EHBP1: variants seen among roughly 807,000 people sequenced by gnomAD.
The protein encoded by EHBP1 is EH domain-binding protein 1.
EHBP1 carries 55 observed loss-of-function variants against 144.0 expected under a neutral mutation model. The observed-to-expected ratio is 0.38, with a 90% CI of 0.31 to 0.48. EHBP1 has a LOEUF of 0.48. EHBP1 is among the 20% of genes least tolerant of loss of function. The probability of loss-of-function intolerance (pLI) is 0.98; values close to 1 mark genes in which losing one functional copy is unlikely to be tolerated. For missense variants in EHBP1, 1,200 were observed against 1,364.2 expected, an observed-to-expected ratio of 0.88 and a Z score of 1.90; for synonymous variants, 469 against 472.7, an observed-to-expected ratio of 0.99 and a Z score of 0.10.
intron 10 of EHBP1, among the ~76,000 whole-genome samples, chr2:62,933,809 G>C (rs1440200543): frequency 2.0e-5 from 3 of 152,054 alleles, no homozygotes; most frequent in Non-Finnish European, 4.4e-5. Flanking sequence ...AAACAATATG[G>C]TTTACTTTTG....
chr2:62,937,933 G>A (rs1203362562), intron 10 of EHBP1, among the ~76,000 whole-genome samples: 1 of 152,168 alleles, frequency 6.6e-6, no homozygotes, highest in Non-Finnish European at 1.5e-5. Context: ...GGTTACCGAG[G>A]GGGGATTTGG....
intron 10 of EHBP1, among the ~76,000 whole-genome samples, chr2:62,920,628 ATT>A (rs1283904478): frequency 6.6e-6 from 1 of 152,072 alleles, no homozygotes; most frequent in Non-Finnish European, 1.5e-5. Flanking sequence ...GAATGCATTA[ATT>A]TAAGAGATTC....
intron 7 of EHBP1, among the ~76,000 whole-genome samples, chr2:62,858,838 G>C (rs1163970611): frequency 2.0e-5 from 3 of 152,084 alleles, no homozygotes; most frequent in African/African-American, 7.2e-5. Context: ...GCCCATTTCA[G>C]TTATTCCTGT....
At chr2:62,947,167 A>G (rs2057117825) in intron 12 of EHBP1, among the ~76,000 whole-genome samples, 1 of 152,176 alleles carries the variant, frequency 6.6e-6, no homozygotes, top group Non-Finnish European at 1.5e-5. Flanking sequence ...TCTAGTAAAT[A>G]TTTTGAGGTA....
At position 62,998,047 on chromosome 2, in the gene EHBP1, T is replaced by A. The variant is rs541605937; in HGVS notation, c.3103+1281T>A. Among the ~76,000 whole-genome samples the A allele has an allele frequency of 8.0e-5, 12 of 150,684 alleles. No homozygotes were observed. The South Asian group carries it at 8.3e-4, about 10-fold the overall frequency. On this transcript the variant is annotated intron_variant, in intron 19 of 22. Coordinates refer to ENST00000431489, the MANE Select transcript of EHBP1 (RefSeq NM_001142616.3). ...AAAATTTAAAACCAAAAATACTTTTTAAAAAAAACTATTACTTAATCTTCT... is the reference window on the plus strand; with the variant it reads ...AAAATTTAAAACCAAAAATACTTTTAAAAAAAAACTATTACTTAATCTTCT...
intron 19 of EHBP1, among the ~76,000 whole-genome samples, chr2:63,030,647 C>T (rs1397204558): frequency 2.0e-5 from 3 of 151,928 alleles, no homozygotes; most frequent in African/African-American, 7.3e-5. Context: ...ACCACCACAC[C>T]CAGCTAATTT....
At chr2:62,990,294 G>A (rs1402790087) in intron 15 of EHBP1, among the ~76,000 whole-genome samples, 3 of 151,830 alleles carry the variant, frequency 2.0e-5, no homozygotes, top group Non-Finnish European at 2.9e-5. Flanking sequence ...TTTTAATATG[G>A]CATTATATTT....
chr2:62,782,499 A>G (rs2042507103), intron 5 of EHBP1, among the ~76,000 whole-genome samples: 1 of 152,174 alleles, frequency 6.6e-6, no homozygotes, highest in Non-Finnish European at 1.5e-5. Flanking sequence ...AGACTGGGTA[A>G]TTTATAATAT....
At chr2:62,967,225 A>G (rs967959207) in intron 14 of EHBP1, among the ~76,000 whole-genome samples, 1 of 152,192 alleles carries the variant, frequency 6.6e-6, no homozygotes, top group Non-Finnish European at 1.5e-5. Context: ...GCAGGGGAGT[A>G]GTGGCTGGGA....
intron 7 of EHBP1, among the ~76,000 whole-genome samples, chr2:62,856,178 G>A (rs750140679): frequency 1.3e-5 from 2 of 152,172 alleles, no homozygotes; most frequent in Non-Finnish European, 1.5e-5. Flanking sequence ...TGAATGGCAG[G>A]GTTAGGAGAA....
At chr2:62,872,736 T>C (rs551235736) in intron 9 of EHBP1, among the ~76,000 whole-genome samples, 2 of 152,264 alleles carry the variant, frequency 1.3e-5, no homozygotes, top group Non-Finnish European at 2.9e-5. Context: ...CTCATACCTA[T>C]TAACATTTAG....
intron 7 of EHBP1, among the ~76,000 whole-genome samples, chr2:62,842,270 A>G (rs1338765219): frequency 1.3e-5 from 2 of 152,128 alleles, no homozygotes; most frequent in African/African-American, 4.8e-5. Context: ...TATTTTTAGT[A>G]GAGATGGGGT....
chr2:62,849,179 G>A (rs1197512741), intron 7 of EHBP1, among the ~76,000 whole-genome samples: 1 of 151,810 alleles, frequency 6.6e-6, no homozygotes, highest in Non-Finnish European at 1.5e-5. Context: ...CTGCCTTTTA[G>A]CTTCTGCTTG....
At chr2:62,894,048 A>G (rs2052678306) in intron 10 of EHBP1, among the ~76,000 whole-genome samples, 1 of 151,818 alleles carries the variant, frequency 6.6e-6, no homozygotes, top group Non-Finnish European at 1.5e-5. Flanking sequence ...CCGTCTCAAA[A>G]AAAAAAAAAA....
chr2:63,006,891 C>T (rs915293290), intron 19 of EHBP1, among the ~76,000 whole-genome samples: 7 of 151,702 alleles, frequency 4.6e-5, no homozygotes, highest in African/African-American at 1.7e-4. Context: ...TATGTCTGTT[C>T]ATAAGTCAAA....
chr2:62,956,467 A>C (rs1426932317), intron 14 of EHBP1, among the ~76,000 whole-genome samples: 1 of 152,142 alleles, frequency 6.6e-6, no homozygotes, highest in Non-Finnish European at 1.5e-5. Flanking sequence ...TACCCAAAGA[A>C]GTACCCTATT....
At position 63,046,421 on chromosome 2, in the gene EHBP1, GTTTA is replaced by G. The variant is rs1177557369; in HGVS notation, c.*928_*931del. On this transcript the variant is annotated 3_prime_UTR_variant, in exon 23 of 23. Coordinates refer to ENST00000431489, the MANE Select transcript of EHBP1 (RefSeq NM_001142616.3). ...TGTCATTTTTTGTGAAAATGGTTAT[GTTTA>G]TTTATTACAATACTGAGTCATATAT... 2 of 152,554 alleles carry G rather than the reference GTTTA, an allele frequency of 1.3e-5. No individual in the cohort carries two copies. Among genetic ancestry groups the G allele is most frequent in the African/African-American group, 2.4e-5 (1 of 41,426 alleles). 9.5% of individuals were successfully genotyped at this position (152,554 alleles called of 1,614,324 possible).
At chr2:62,718,042 C>T (rs1031530528) in intron 2 of EHBP1, among the ~76,000 whole-genome samples, 1 of 152,082 alleles carries the variant, frequency 6.6e-6, no homozygotes, top group Non-Finnish European at 1.5e-5. Flanking sequence ...TTTTCTTAGA[C>T]CTTAATCCAA....
chr2:62,868,488 C>CA (rs919461955), intron 9 of EHBP1, among the ~76,000 whole-genome samples: 22 of 152,090 alleles, frequency 1.4e-4, no homozygotes, highest in African/African-American at 4.8e-4. Context: ...AAGGATAAAA[C>CA]AAAAAATGGT....
Sources: gnomAD v4.1 joint callset for allele counts (sites outside exome capture counted in the v4.1 genomes callset) on GRCh38, gnomAD v4.1.1 for gene constraint, MANE v1.5 for transcripts, NCBI Gene and HGNC (gene_info 2026-07-23, HGNC 2026-07-21) for gene names.